SCFD1: variants seen among roughly 807,000 people sequenced by gnomAD.
SCFD1 encodes the protein sec1 family domain-containing protein 1.
SCFD1 carries 37 observed loss-of-function variants against 103.2 expected under a neutral mutation model. That is an observed-to-expected ratio of 0.36 (90% CI 0.28 to 0.47). The LOEUF is 0.47. SCFD1 is among the 20% of genes least tolerant of loss of function. SCFD1 has a pLI of 1.00. For missense variants in SCFD1, 639 were observed against 761.2 expected (o/e 0.84, Z 1.89); for synonymous variants, 264 against 245.0 (o/e 1.08, Z -0.73).
rs767779333 is a variant in SCFD1 at position 30,674,999 on chromosome 14, C to A, written c.1176C>A (p.Leu392=). Residue 392 remains leucine, a synonymous_variant, in exon 14 of 25, where the codon CTC becomes CTA. Coordinates refer to ENST00000458591, the MANE Select transcript of SCFD1 (RefSeq NM_016106.4). Reference sequence around the variant, plus strand: ...ATACTTGCAGTTCTTTGCCAGAACTCCTTGAGAAAAAAAGACTTATTGATC... The same window carrying A: ...ATACTTGCAGTTCTTTGCCAGAACTACTTGAGAAAAAAAGACTTATTGATC... The part of the protein sequence containing the change: ...LTSAVSSLPE[L]LEKKRLIDLH... 8 of 1,579,122 alleles carry A rather than the reference C, an allele frequency of 5.1e-6. No homozygotes were observed. The highest frequency in any genetic ancestry group is 6.0e-6 in the Non-Finnish European group (7 of 1,164,500).
chr14:30,701,644 A>T (rs1251095782), intron 16 of SCFD1, among the ~76,000 whole-genome samples: 1 of 152,196 alleles, frequency 6.6e-6, no homozygotes, highest in Non-Finnish European at 1.5e-5. Context: ...TCTTAAGAAT[A>T]TGTGATTTTA....
chr14:30,623,126 A>G (rs192497070), intron 1 of SCFD1, among the ~76,000 whole-genome samples: 1 of 152,132 alleles, frequency 6.6e-6, no homozygotes, highest in African/African-American at 2.4e-5. Context: ...AAAACTTCTC[A>G]TGACAACTTG....
intron 3 of SCFD1, 68 bp from the exon 4 acceptor site, chr14:30,633,879 C>A: frequency 2.3e-6 from 2 of 859,898 alleles, no homozygotes; most frequent in South Asian, 1.9e-5. Context: ...TAGTGAACTC[C>A]CATTTTGAGG....
intron 23 of SCFD1, among the ~76,000 whole-genome samples, chr14:30,726,840 T>A (rs1425872896): frequency 6.6e-6 from 1 of 152,206 alleles, no homozygotes; most frequent in Non-Finnish European, 1.5e-5. Context: ...TCTCTTTTCA[T>A]TAAAGGCAAA....
chr14:30,704,502 T>C (rs1318674542), intron 17 of SCFD1, among the ~76,000 whole-genome samples: 6 of 152,356 alleles, frequency 3.9e-5, no homozygotes, highest in Admixed American at 1.3e-4. Flanking sequence ...TGTTTAGATA[T>C]TGTTTCTAGT....
chr14:30,708,039 G>A lies in SCFD1; in HGVS notation c.1603G>A (p.Val535Met). 1 of 1,612,954 alleles carries A rather than the reference G, an allele frequency of 6.2e-7. No homozygotes were observed. Among genetic ancestry groups the A allele is most frequent in the Non-Finnish European group, 8.5e-7 (1 of 1,179,036 alleles). The change falls in exon 19 of 25, where the codon GTG becomes ATG. Residue 535 changes from valine to methionine, a missense_variant. Coordinates refer to ENST00000458591, the MANE Select transcript of SCFD1 (RefSeq NM_016106.4). Reference sequence around the variant, plus strand: ...AGGATCACAGTTTGTGATGGAAGGAGTGAAGAACCTGGTTTTGAAACAGCA... The same window carrying A: ...AGGATCACAGTTTGTGATGGAAGGAATGAAGAACCTGGTTTTGAAACAGCA... ...NTGSQFVMEG[V>M]KNLVLKQQNL...
chr14:30,725,097 TAGTTTGA>T lies in SCFD1; in HGVS notation c.1836+2542_1836+2548del, dbSNP rs544778701. On this transcript the variant is annotated intron_variant, in intron 23 of 24. Transcript: ENST00000458591. ...TTGGCTACTGTATAGCCCTGTACTA[TAGTTTGA>T]AGTCTGGTAGCATGATGCCTCCAGC... Among the ~76,000 whole-genome samples the T allele has an allele frequency of 5.6e-4, 86 of 152,312 alleles. 1 individual carries two copies. Among genetic ancestry groups the T allele is most frequent in the African/African-American group, 1.6e-3 (67 of 41,576 alleles).
At chr14:30,674,892 G>C in intron 13 of SCFD1, 92 bp from the exon 14 acceptor site, 3 of 631,858 alleles carry the variant, frequency 4.7e-6, no homozygotes, top group Non-Finnish European at 8.1e-6. Flanking sequence ...TCACTGTTCT[G>C]AGTTTCCACA....
At chr14:30,679,683 CTTT>C (rs34886498) in intron 14 of SCFD1, among the ~76,000 whole-genome samples, 10 of 146,966 alleles carry the variant, frequency 6.8e-5, no homozygotes, top group Non-Finnish European at 1.0e-4. Flanking sequence ...CATAAACTGA[CTTT>C]TTTTTTTTTT....
At chr14:30,644,408 C>G (rs1440870212) in intron 7 of SCFD1, among the ~76,000 whole-genome samples, 2 of 152,148 alleles carry the variant, frequency 1.3e-5, no homozygotes, top group African/African-American at 4.8e-5. Flanking sequence ...GTTTTAAGTT[C>G]TTTGAGAAGC....
Position 30,673,257 on chromosome 14 carries a change from TC to T in SCFD1, c.998del (p.Pro333HisfsTer13). 1 of 1,571,858 alleles carries T rather than the reference TC, an allele frequency of 6.4e-7. No homozygotes were observed. The highest frequency in any genetic ancestry group is 1.4e-5 in the African/African-American group (1 of 74,046). ...TAGTTCTTGTGCAATACTGTTTTAG[TC>T]CATTCCCAGAAGTTGCAGAATCAGT... is the stretch of plus-strand genomic sequence containing the variant. ...DKFWQKHKGS[P>X]FPEVAESVQQ... On this transcript the variant is annotated frameshift_variant and splice_region_variant, in exon 12 of 25. Transcript: ENST00000458591. LOFTEE classifies it high-confidence loss of function.
At chr14:30,702,171 T>G in intron 16 of SCFD1, 125 bp from the exon 17 acceptor site, 1 of 576,304 alleles carries the variant, frequency 1.7e-6, no homozygotes, top group East Asian at 3.0e-5. Context: ...GTGACTCCAC[T>G]CTACTTGGGT....
intron 11 of SCFD1, among the ~76,000 whole-genome samples, chr14:30,672,055 G>T (rs770845564): frequency 6.6e-5 from 10 of 151,498 alleles, no homozygotes; most frequent in Non-Finnish European, 1.0e-4. Flanking sequence ...TCTTAGCATG[G>T]TGTTTGATGT....
chr14:30,697,487 T>G (rs1890777909), intron 15 of SCFD1, among the ~76,000 whole-genome samples: 1 of 152,208 alleles, frequency 6.6e-6, no homozygotes, highest in Admixed American at 6.5e-5. Context: ...CACAAAATAC[T>G]TATTAACTGT....
At chr14:30,644,212 A>T (rs1885579191) in intron 7 of SCFD1, among the ~76,000 whole-genome samples, 2 of 152,170 alleles carry the variant, frequency 1.3e-5, no homozygotes, top group African/African-American at 4.8e-5. Flanking sequence ...GTATTCCATG[A>T]TGTATGTGTA....
intron 19 of SCFD1, among the ~76,000 whole-genome samples, chr14:30,711,721 A>G (rs1372013950): frequency 1.3e-5 from 2 of 152,074 alleles, no homozygotes; most frequent in East Asian, 3.8e-4. Context: ...TAAATTATTT[A>G]ATAATTATTA....
chr14:30,709,818 T>G (rs780692015), intron 19 of SCFD1, among the ~76,000 whole-genome samples: 16 of 152,226 alleles, frequency 1.1e-4, no homozygotes, highest in Non-Finnish European at 2.2e-4. Flanking sequence ...CACCAACTTC[T>G]ACGGTAATGT....
At chr14:30,682,068 G>A (rs1889530674) in intron 14 of SCFD1, among the ~76,000 whole-genome samples, 1 of 152,084 alleles carries the variant, frequency 6.6e-6, no homozygotes, top group Non-Finnish European at 1.5e-5. Context: ...TTTGGCTTTT[G>A]ATAGGAGTTA....
intron 2 of SCFD1, among the ~76,000 whole-genome samples, chr14:30,629,617 C>T (rs373306492): frequency 1.5e-5 from 2 of 137,244 alleles, no homozygotes; most frequent in African/African-American, 5.6e-5. Flanking sequence ...CTCGCTTTGT[C>T]GCCAGGCTGG....
Sources: gnomAD v4.1 joint callset for allele counts (sites outside exome capture counted in the v4.1 genomes callset) on GRCh38, gnomAD v4.1.1 for gene constraint, MANE v1.5 for transcripts, NCBI Gene and HGNC (gene_info 2026-07-23, HGNC 2026-07-21) for gene names.